CDC37: variants seen among roughly 807,000 people sequenced by gnomAD.
CDC37 encodes hsp90 co-chaperone Cdc37.
A neutral mutation model predicts 46.9 loss-of-function variants in CDC37; 9 were observed. The ratio of observed to expected loss-of-function variants is 0.19; its 90% CI spans 0.12 to 0.33. The LOEUF is 0.33. Ranked by LOEUF, CDC37 falls within the 10% of genes least tolerant of loss-of-function variation. The pLI, the probability that CDC37 is intolerant of heterozygous loss-of-function variation, is 1.00. For synonymous variants in CDC37, 193 were observed against 191.0 expected (o/e 1.01, Z -0.09); for missense variants, 388 against 514.6 (o/e 0.75, Z 2.38).
At position 10,391,620 on chromosome 19, in the gene CDC37, C is replaced by T; in HGVS notation, c.1068G>A (p.Glu356=). The T allele has an allele frequency of 1.2e-6, 2 of 1,614,218 alleles. No homozygotes were observed. The highest frequency in any genetic ancestry group is 2.2e-5 in the South Asian group (2 of 91,086). Residue 356 remains glutamate, a synonymous_variant, in exon 8 of 8, where the codon GAG becomes GAA. Transcript: ENST00000222005. ...CCAGTAATGGGTCCCCAGGACCTGC[C>T]TCCTCTCCCTCCTTGGCCTCGCTGG... ...SKASEAKEGE[E]AGPGDPLLEA...
In CDC37 at chr19:10,395,953, G is replaced by A. The variant is rs777979639; in HGVS notation, c.353C>T (p.Thr118Met). The A allele has an allele frequency of 6.2e-7, 1 of 1,611,464 alleles. No homozygotes were observed. Among genetic ancestry groups the A allele is most frequent in the African/African-American group, 1.3e-5 (1 of 74,350 alleles). ...CTTGCTGAAGCCGTCTTTGCTGAGC[G>A]TGTCCACGTTCCAGGGCATGCTCTT... ...KEKSMPWNVD[T>M]LSKDGFSKSM... Residue 118 changes from threonine to methionine, a missense_variant, in exon 2 of 8, where the codon ACG (threonine) becomes ATG (methionine). By Grantham distance (81) the Thr-to-Met change is moderately conservative (BLOSUM62 -1). This residue lies in a region of CDC37 where 374 missense variants were observed against 467.4 expected (regional missense o/e 0.80). Coordinates refer to ENST00000222005, the MANE Select transcript of CDC37 (RefSeq NM_007065.4).
In CDC37 at chr19:10,393,213, C is replaced by T; in HGVS notation, c.909+46G>A. The T allele has an allele frequency of 6.2e-7, 1 of 1,611,724 alleles. No individual in the cohort carries two copies. The highest frequency in any genetic ancestry group is 8.5e-7 in the Non-Finnish European group (1 of 1,178,204). On this transcript the variant is annotated intron_variant, in intron 6 of 7. Coordinates refer to ENST00000222005, the MANE Select transcript of CDC37 (RefSeq NM_007065.4). This position sits in a 1 kb window ranked among gnomAD's most constrained non-coding sequence, Gnocchi z 4.9. ...CTGGGTCCCTGTGGCCCTGGGGGGT[C>T]CCGCTCAGGGTCTTCCTGCTGCCCG... is the stretch of plus-strand genomic sequence containing the variant.
chr19:10,401,884 GT>G (rs1041064722), intron 1 of CDC37, among the ~76,000 whole-genome samples: 30 of 152,176 alleles, frequency 2.0e-4, no homozygotes, highest in African/African-American at 6.8e-4. Flanking sequence ...GCTGGGTGCG[GT>G]GGCTCACGCC....
chr19:10,400,080 C>G (rs1417184092), intron 1 of CDC37, among the ~76,000 whole-genome samples: 1 of 152,096 alleles, frequency 6.6e-6, no homozygotes, highest in Non-Finnish European at 1.5e-5. Flanking sequence ...TGAACAACTG[C>G]CAGGGAGGCC....
In CDC37 at chr19:10,393,589, G is replaced by T. The variant is rs1165342129; in HGVS notation, c.727-148C>A. The T allele has an allele frequency of 1.3e-6, 1 of 788,006 alleles. No homozygotes were observed. Among genetic ancestry groups the T allele is most frequent in the African/African-American group, 1.8e-5 (1 of 55,916 alleles). The allele number at this position is 788,006 out of a possible 1,614,324, so 48.8% of individuals were successfully genotyped here. On this transcript the variant is annotated intron_variant, in intron 5 of 7. Coordinates refer to ENST00000222005, the MANE Select transcript of CDC37 (RefSeq NM_007065.4). The surrounding 1 kb of genome is among the most constrained non-coding windows in gnomAD (Gnocchi z 4.9). ...CTACATGAAGGGCTCCCCAAGGCCT[G>T]GGCTCCCCCGCCGGGGACCTCATCT...
rs1222484754 is a variant in CDC37, at chr19:10,391,520, G to A, written c.*31C>T. 2 of 1,613,382 alleles carry A rather than the reference G, an allele frequency of 1.2e-6. No individual in the cohort carries two copies. Among genetic ancestry groups the A allele is most frequent in the Non-Finnish European group, 1.7e-6 (2 of 1,179,446 alleles). On this transcript the variant is annotated 3_prime_UTR_variant, in exon 8 of 8. Transcript: ENST00000222005. Reference sequence around the variant, plus strand: ...TCTGAAAAGGGGCACATAGGGGCCTGGAAGCAGGTGGCGGTGGTAGCTGGG... The same window carrying A: ...TCTGAAAAGGGGCACATAGGGGCCTAGAAGCAGGTGGCGGTGGTAGCTGGG...
chr19:10,400,290 A>C (rs1375486012), intron 1 of CDC37, among the ~76,000 whole-genome samples: 1 of 152,170 alleles, frequency 6.6e-6, no homozygotes, highest in Non-Finnish European at 1.5e-5. Flanking sequence ...CATACAACTC[A>C]TTAGAAGAAA....
chr19:10,394,476 A>C (rs2042476682), intron 5 of CDC37, among the ~76,000 whole-genome samples: 1 of 152,050 alleles, frequency 6.6e-6, no homozygotes, highest in African/African-American at 2.4e-5. Flanking sequence ...AATAGTTGGG[A>C]CTATAGTACT....
chr19:10,392,909 C>G, intron 7 of CDC37, 177 bp downstream of exon 7: 1 of 617,554 alleles, frequency 1.6e-6, no homozygotes, highest in Non-Finnish European at 2.9e-6. Context: ...CTGCTGGATA[C>G]TGGGATACAG....
At chr19:10,401,396 C>T (rs918072488) in intron 1 of CDC37, among the ~76,000 whole-genome samples, 2 of 152,150 alleles carry the variant, frequency 1.3e-5, no homozygotes, top group African/African-American at 4.8e-5. Flanking sequence ...ACAGGAAAAG[C>T]TCTGTGCCAG....
At position 10,393,164 on chromosome 19, in the gene CDC37, G is replaced by A. The variant is rs372409066; in HGVS notation, c.910-7C>T. 3.7e-6 allele frequency: 6 copies of A among 1,613,570 alleles called. No homozygotes were observed. In the African/African-American group the frequency reaches 6.7e-5, roughly 18 times the overall value. On this transcript the variant is annotated splice_region_variant and splice_polypyrimidine_tract_variant and intron_variant, in intron 6 of 7. Transcript: ENST00000222005. The surrounding 1 kb of genome is among the most constrained non-coding windows in gnomAD (Gnocchi z 4.9). ...CGAAGCACTTCTGGAGTTCCTGGGG[G>A]TACAGAGGGGCTGGGGTCAGGGGCT...
At chr19:10,395,880 G>T in intron 2 of CDC37, 48 bp downstream of exon 2, 2 of 1,590,058 alleles carry the variant, frequency 1.3e-6, no homozygotes, top group Non-Finnish European at 1.7e-6. Flanking sequence ...CTGGTTGCAG[G>T]CTCTCTGGCT....
chr19:10,401,384 G>A (rs573457531), intron 1 of CDC37, among the ~76,000 whole-genome samples: 34 of 152,266 alleles, frequency 2.2e-4, no homozygotes, highest in South Asian at 4.2e-4. Context: ...CTCAGCGGCA[G>A]GACAGGAAAA....
chr19:10,401,921 G>A (rs896562119), intron 1 of CDC37, among the ~76,000 whole-genome samples: 3 of 152,062 alleles, frequency 2.0e-5, no homozygotes, highest in Non-Finnish European at 2.9e-5. Context: ...TTGGGAGGCC[G>A]AGGTGGGTGG....
intron 5 of CDC37, among the ~76,000 whole-genome samples, chr19:10,394,599 C>T (rs1342966689): frequency 1.1e-4 from 16 of 152,072 alleles, no homozygotes; most frequent in Non-Finnish European, 2.1e-4. Flanking sequence ...TGCAATGGCA[C>T]GATCTCGGCT....
Position 10,395,981 on chromosome 19 carries a change from C to T in CDC37, c.325G>A (p.Glu109Lys). 1 of 1,549,634 alleles carries T rather than the reference C, an allele frequency of 6.5e-7. No individual in the cohort carries two copies. Among genetic ancestry groups the T allele is most frequent in the Non-Finnish European group, 8.8e-7 (1 of 1,140,792 alleles). The part of the protein sequence containing the change: ...EQKLEEMRKK[E>K]KSMPWNVDTL... ...TCCACGTTCCAGGGCATGCTCTTCTCCTTCTTGCGCATCTCCTCCAGCTTC... is the reference window on the plus strand; with the variant it reads ...TCCACGTTCCAGGGCATGCTCTTCTTCTTCTTGCGCATCTCCTCCAGCTTC... The change falls in exon 2 of 8, where the codon GAG (glutamate) becomes AAG (lysine). Residue 109 changes from glutamate (E) to lysine (K), a missense_variant. Transcript: ENST00000222005.
At chr19:10,395,857 G>A (rs1028168120) in intron 2 of CDC37, 71 bp downstream of exon 2, 2 of 1,539,122 alleles carry the variant, frequency 1.3e-6, no homozygotes, top group East Asian at 2.3e-5. Flanking sequence ...CAGGCATTGG[G>A]TGCGCATGCG....
At chr19:10,399,931 T>TAA (rs56162717) in intron 1 of CDC37, among the ~76,000 whole-genome samples, 7,908 of 48,200 alleles carry the variant, frequency 0.16, 922 homozygotes, top group African/African-American at 0.21. Flanking sequence ...GACTCCGTCT[T>TAA]AAAAAAAAAA....
intron 1 of CDC37, among the ~76,000 whole-genome samples, chr19:10,399,793 A>G (rs1410839333): frequency 6.6e-6 from 1 of 151,590 alleles, no homozygotes; most frequent in Non-Finnish European, 1.5e-5. Flanking sequence ...TTAGCCGGGC[A>G]TGGTGGCGCG....
Sources: allele counts gnomAD v4.1 joint callset (sites outside exome capture counted in the v4.1 genomes callset), GRCh38; gene constraint gnomAD v4.1.1; regional missense constraint gnomAD v4.1.1; non-coding constraint Gnocchi (gnomAD v3.1); transcripts MANE v1.5; gene names NCBI Gene and HGNC (gene_info 2026-07-23, HGNC 2026-07-21).